The following PTK7 variants were observed in gnomAD, a reference collection of about 807,000 sequenced individuals.
PTK7 encodes the protein protein tyrosine kinase 7 (inactive).
PTK7 carries 39 observed loss-of-function variants against 116.6 expected under a neutral mutation model. That is an observed-to-expected ratio of 0.33 (90% confidence interval 0.26 to 0.44). The LOEUF (loss-of-function observed/expected upper bound fraction) is 0.44. Among genes scored for constraint, PTK7 ranks in the 20% least tolerant of loss-of-function variants. The pLI, the probability that PTK7 is intolerant of heterozygous loss-of-function variation, is 1.00. For missense variants in PTK7, 1,169 were observed against 1,425.6 expected (o/e 0.82, Z 2.90); for synonymous variants, 546 against 563.6 (o/e 0.97, Z 0.44).
intron 17 of PTK7, among the ~76,000 whole-genome samples, chr6:43,151,205 T>C (rs991666432): frequency 2.9e-5 from 4 of 137,294 alleles, no homozygotes; most frequent in African/African-American, 1.1e-4. Flanking sequence ...GCCATCCACC[T>C]GCCTTCTTTT....
At chr6:43,102,499 G>A (rs1164578402) in intron 1 of PTK7, among the ~76,000 whole-genome samples, 2 of 151,840 alleles carry the variant, frequency 1.3e-5, no homozygotes, top group South Asian at 2.1e-4. Flanking sequence ...TGGGGCAGGA[G>A]AATTGCTTAA....
chr6:43,100,252 G>A (rs796321359), intron 1 of PTK7, among the ~76,000 whole-genome samples: 69 of 152,034 alleles, frequency 4.5e-4, no homozygotes, highest in African/African-American at 1.6e-3. Flanking sequence ...GCGTGGTGGC[G>A]GGTGCCTATA....
At chr6:43,089,219 A>G (rs1222584023) in intron 1 of PTK7, among the ~76,000 whole-genome samples, 2 of 152,110 alleles carry the variant, frequency 1.3e-5, no homozygotes, top group Non-Finnish European at 2.9e-5. Context: ...TGAACCGTTG[A>G]CCACTCTTGG....
chr6:43,115,042 CAA>C (rs5875827), intron 1 of PTK7, among the ~76,000 whole-genome samples: 1 of 143,334 alleles, frequency 7.0e-6, no homozygotes. Flanking sequence ...GACTTTGTCT[CAA>C]AAAAAAAAAA....
chr6:43,105,838 C>T (rs1767859827), intron 1 of PTK7, among the ~76,000 whole-genome samples: 1 of 152,186 alleles, frequency 6.6e-6, no homozygotes. Flanking sequence ...GATCCAACCT[C>T]ACCAACACTT....
At chr6:43,131,686 CAT>C (rs1237231995) in intron 5 of PTK7, 3 of 360,926 alleles carry the variant, frequency 8.3e-6, no homozygotes, top group African/African-American at 2.1e-5. Context: ...CCTCCCACAA[CAT>C]GTGGGAATTA....
chr6:43,111,705 C>A (rs925471184), intron 1 of PTK7, among the ~76,000 whole-genome samples: 1 of 152,280 alleles, frequency 6.6e-6, no homozygotes. Context: ...CTCTGTCACA[C>A]AGGCTGGGAT....
intron 17 of PTK7, among the ~76,000 whole-genome samples, chr6:43,152,303 C>T (rs936466248): frequency 6.6e-6 from 1 of 152,186 alleles, no homozygotes; most frequent in Non-Finnish European, 1.5e-5. Flanking sequence ...GAGGCCGAGG[C>T]AGGCAGATCA....
intron 1 of PTK7, among the ~76,000 whole-genome samples, chr6:43,127,336 C>A (rs966898929): frequency 1.3e-5 from 2 of 152,216 alleles, no homozygotes; most frequent in East Asian, 1.9e-4. Context: ...AAGTCGCCCA[C>A]GCGGGCTAGG....
chr6:43,138,102 C>T (rs1374870119), intron 7 of PTK7, among the ~76,000 whole-genome samples: 1 of 152,210 alleles, frequency 6.6e-6, no homozygotes, highest in Non-Finnish European at 1.5e-5. Flanking sequence ...AGCCACTGTG[C>T]CTGGCCACCA....
chr6:43,124,246 CCTT>C (rs1164344923), intron 1 of PTK7, among the ~76,000 whole-genome samples: 2 of 152,218 alleles, frequency 1.3e-5, no homozygotes, highest in Admixed American at 6.5e-5. Flanking sequence ...GAACCGCCTG[CCTT>C]CTTCTCTGTC....
At chr6:43,123,853 C>T (rs1027799764) in intron 1 of PTK7, among the ~76,000 whole-genome samples, 3 of 152,130 alleles carry the variant, frequency 2.0e-5, no homozygotes, top group Non-Finnish European at 4.4e-5. Context: ...CGTTTTGTGC[C>T]GTGTGTGGGC....
chr6:43,131,842 C>G (rs899459583), intron 5 of PTK7, 174 bp from the exon 6 acceptor site: 2 of 818,736 alleles, frequency 2.4e-6, no homozygotes, highest in African/African-American at 3.4e-5. Context: ...TGCACCTGAG[C>G]AAGTGTATGC....
chr6:43,157,360 ATAT>A lies in PTK7; in HGVS notation c.2722-1456_2722-1454del, dbSNP rs1771539018. Among the ~76,000 whole-genome samples, 6 of 8,038 alleles carry A rather than the reference ATAT, an allele frequency of 7.5e-4. 1 individual carries two copies. The highest frequency in any genetic ancestry group is 3.3e-3 in the African/African-American group (6 of 1,828). 5.3% of individuals were successfully genotyped at this position (8,038 alleles called of 152,430 possible). Reference sequence around the variant, plus strand: ...TATATATATATATATATATATATATATATATTTTTTTTTTTCTTTTTTTTTTTT... The same window carrying A: ...TATATATATATATATATATATATATAATTTTTTTTTTTCTTTTTTTTTTTT... On this transcript the variant is annotated intron_variant, in intron 17 of 19. Transcript: ENST00000230419.
intron 17 of PTK7, among the ~76,000 whole-genome samples, chr6:43,157,357 TA>T (rs1424245201): frequency 0.11 from 779 of 7,390 alleles, 113 homozygotes; most frequent in Non-Finnish European, 0.14. Context: ...TATATATATA[TA>T]TATATATTTT....
In PTK7 at chr6:43,076,526, G is replaced by A. The variant is rs921489576; in HGVS notation, c.38G>A (p.Arg13Gln). The A allele has an allele frequency of 5.1e-6, 8 of 1,576,198 alleles. No individual in the cohort carries two copies. The highest frequency in any genetic ancestry group is 1.1e-5 in the South Asian group (1 of 87,518). The change falls in exon 1 of 20, where the codon CGG becomes CAG. Residue 13 changes from arginine (R) to glutamine (Q), a missense_variant. Arg to Gln is a conservative substitution (Grantham distance 43). This residue lies in a region of PTK7 where 487 missense variants were observed against 549.8 expected (regional missense o/e 0.89). Coordinates refer to ENST00000230419, the MANE Select transcript of PTK7 (RefSeq NM_002821.5). The surrounding 1 kb of genome is among the most constrained non-coding windows in gnomAD (Gnocchi z 5.7). ...CGGGGATCCCCGGCCAGACCCCGCCGGTTGCCTCTGCTCAGCGTCCTGCTG... is the reference window on the plus strand; with the variant it reads ...CGGGGATCCCCGGCCAGACCCCGCCAGTTGCCTCTGCTCAGCGTCCTGCTG... ...AARGSPARPR[R>Q]LPLLSVLLLP...
intron 1 of PTK7, among the ~76,000 whole-genome samples, chr6:43,109,090 G>A (rs1768053152): frequency 2.6e-5 from 4 of 152,182 alleles, no homozygotes; most frequent in Admixed American, 6.5e-5. Context: ...GTACACTTAC[G>A]GATTTTAAAC....
chr6:43,095,732 T>G (rs191430944), intron 1 of PTK7, among the ~76,000 whole-genome samples: 1 of 152,338 alleles, frequency 6.6e-6, no homozygotes, highest in East Asian at 1.9e-4. Flanking sequence ...TCTTCCTGAT[T>G]GTTTTAAGAA....
rs575084076 is a variant in PTK7, at chr6:43,081,368, TG to T, written c.79+4804del. Among the ~76,000 whole-genome samples the T allele has an allele frequency of 2.6e-4, 39 of 152,250 alleles. No homozygotes were observed. The South Asian group carries it at 7.9e-3, about 31-fold the overall frequency. ...AGTTTAGTACAGTACTTATTTATAATGGGTTCTTATGTAGGTGGTTTTTTTG... is the reference window on the plus strand; with the variant it reads ...AGTTTAGTACAGTACTTATTTATAATGGTTCTTATGTAGGTGGTTTTTTTG... On this transcript the variant is annotated intron_variant, in intron 1 of 19. Coordinates refer to ENST00000230419, the MANE Select transcript of PTK7 (RefSeq NM_002821.5).
Sources: gnomAD v4.1 joint callset for allele counts (sites outside exome capture counted in the v4.1 genomes callset) on GRCh38, gnomAD v4.1.1 for gene constraint, gnomAD v4.1.1 regional missense constraint, Gnocchi (gnomAD v3.1) non-coding constraint, MANE v1.5 for transcripts, NCBI Gene and HGNC (gene_info 2026-07-23, HGNC 2026-07-21) for gene names.